The following RMDN2 variants were observed in gnomAD, a reference collection of about 807,000 sequenced individuals.
RMDN2 encodes the protein regulator of microtubule dynamics protein 2.
Under a neutral mutation model 52.8 loss-of-function variants are expected in RMDN2, and 61 were observed. That is an observed-to-expected ratio of 1.16 (90% CI 0.94 to 1.43). The LOEUF is 1.43. Among genes scored for constraint, RMDN2 ranks in the 40% most tolerant of loss-of-function variants. RMDN2 has a pLI of 0.00. For synonymous variants in RMDN2, 180 were observed against 153.1 expected (o/e 1.18, Z -1.30); for missense variants, 592 against 475.3 (o/e 1.25, Z -2.28).
intron 10 of RMDN2, among the ~76,000 whole-genome samples, chr2:38,006,632 C>T (rs370297124): frequency 2.6e-5 from 4 of 152,176 alleles, no homozygotes; most frequent in Non-Finnish European, 4.4e-5. Flanking sequence ...TCTAGATATA[C>T]AATCATGTCA....
At chr2:37,981,478 C>A (rs1037140754) in intron 5 of RMDN2, 135 bp downstream of exon 5, 2 of 614,186 alleles carry the variant, frequency 3.3e-6, no homozygotes, top group African/African-American at 3.7e-5. Context: ...TATAATAGCA[C>A]AGTAACTGTT....
chr2:37,951,934 A>G, intron 2 of RMDN2: 1 of 1,613,492 alleles, frequency 6.2e-7, no homozygotes, highest in Non-Finnish European at 8.5e-7. Context: ...CAAAGGGGCC[A>G]ATTATGTAAA....
chr2:38,009,443 G>A (rs567062774), intron 10 of RMDN2, among the ~76,000 whole-genome samples: 7 of 152,056 alleles, frequency 4.6e-5, no homozygotes, highest in South Asian at 4.2e-4. Flanking sequence ...TTCTCCTCTC[G>A]CTTCATTTCA....
chr2:37,963,782 C>T (rs1182672236), intron 2 of RMDN2, among the ~76,000 whole-genome samples: 2 of 152,208 alleles, frequency 1.3e-5, no homozygotes, highest in Non-Finnish European at 2.9e-5. Context: ...CCTTTCTATT[C>T]CACAAAACCG....
At chr2:37,979,164 A>G (rs888880092) in intron 4 of RMDN2, among the ~76,000 whole-genome samples, 2 of 152,222 alleles carry the variant, frequency 1.3e-5, no homozygotes, top group African/African-American at 4.8e-5. Context: ...CCTTTAATTT[A>G]TCCATTTAAG....
chr2:37,979,406 C>T (rs1403261139), intron 4 of RMDN2, among the ~76,000 whole-genome samples: 3 of 152,104 alleles, frequency 2.0e-5, no homozygotes, highest in Admixed American at 1.3e-4. Flanking sequence ...AAGGCAGGGG[C>T]TCAGACCAGC....
At chr2:38,062,180 C>T (rs1682080015) in intron 10 of RMDN2, among the ~76,000 whole-genome samples, 1 of 152,296 alleles carries the variant, frequency 6.6e-6, no homozygotes, top group Admixed American at 6.5e-5. Flanking sequence ...ACCACTGTCA[C>T]AATCAGAAAA....
chr2:37,955,627 G>C (rs1572785699), intron 2 of RMDN2, among the ~76,000 whole-genome samples: 1 of 152,242 alleles, frequency 6.6e-6, no homozygotes, highest in South Asian at 2.1e-4. Flanking sequence ...TTGTGATAAT[G>C]AGTAAGTCTC....
At chr2:37,924,187 A>C (rs564335342), upstream of RMDN2, among the ~76,000 whole-genome samples, 2 of 152,250 alleles carry the variant, frequency 1.3e-5, no homozygotes, top group Non-Finnish European at 2.9e-5. Context: ...TATGGATTGC[A>C]AAACAAGCCT....
rs1300103208 is a variant in RMDN2, at chr2:37,951,864, T to C, written c.452+22135T>C. On this transcript the variant is annotated intron_variant, in intron 2 of 10. Transcript: ENST00000354545. ...TCAACAAAGCACATCATCCTTCTTTTCTCTTGCAAGTGATATTTCCTCTCC... is the reference window on the plus strand; with the variant it reads ...TCAACAAAGCACATCATCCTTCTTTCCTCTTGCAAGTGATATTTCCTCTCC... 7 of 1,613,548 alleles carry C rather than the reference T, an allele frequency of 4.3e-6. No individual in the cohort carries two copies. The highest frequency in any genetic ancestry group is 5.1e-6 in the Non-Finnish European group (6 of 1,179,662).
intron 6 of RMDN2, among the ~76,000 whole-genome samples, chr2:37,990,331 C>T (rs1033648254): frequency 3.3e-5 from 5 of 149,306 alleles, no homozygotes; most frequent in African/African-American, 1.2e-4. Flanking sequence ...CCAGCCTGGC[C>T]AACATGGTGA....
Position 38,065,965 on chromosome 2 carries a change from C to T in RMDN2, c.1714-1017C>T, listed in dbSNP as rs143974298. ...TTAGACAAAGGAAGTAAATTGCTTG[C>T]GAAACTCCCAGGATCTTATGGCCTA... On this transcript the variant is annotated intron_variant, in intron 10 of 10. Transcript: ENST00000234195. 9.1e-4 allele frequency among the ~76,000 whole-genome samples: 138 copies of T among 152,212 alleles called. No individual in the cohort carries two copies. In the Middle Eastern group the frequency reaches 0.014, roughly 15 times the overall value.
chr2:37,985,897 G>A (rs932332404), intron 5 of RMDN2, among the ~76,000 whole-genome samples: 1 of 152,058 alleles, frequency 6.6e-6, no homozygotes, highest in Non-Finnish European at 1.5e-5. Flanking sequence ...TATTAATATT[G>A]GTTCATTGTG....
At chr2:38,041,216 G>C (rs1429839434) in intron 10 of RMDN2, among the ~76,000 whole-genome samples, 1 of 152,034 alleles carries the variant, frequency 6.6e-6, no homozygotes, top group African/African-American at 2.4e-5. Flanking sequence ...CAACACTAAG[G>C]CACCCAGCAG....
intron 2 of RMDN2, among the ~76,000 whole-genome samples, chr2:37,955,949 T>G (rs902830532): frequency 8.2e-6 from 1 of 122,488 alleles, no homozygotes; most frequent in Admixed American, 9.5e-5. Context: ...GAATTCTGTT[T>G]GCTGTTATTT....
intron 2 of RMDN2, chr2:37,952,477 T>C: frequency 2.1e-6 from 1 of 477,332 alleles, no homozygotes; most frequent in African/African-American, 1.9e-5. Context: ...CTCAGATTTC[T>C]GAGTGACTAT....
chr2:37,961,843 C>A (rs939317890), intron 2 of RMDN2, among the ~76,000 whole-genome samples: 4 of 152,168 alleles, frequency 2.6e-5, no homozygotes, highest in African/African-American at 9.7e-5. Context: ...TACCTTTGAT[C>A]TTTGATGGTG....
chr2:37,929,774 A>G (rs1666571419), intron 2 of RMDN2, 45 bp downstream of exon 2: 2 of 1,247,096 alleles, frequency 1.6e-6, no homozygotes, highest in Admixed American at 3.0e-5. Flanking sequence ...GGTTATTATC[A>G]TTATTACTAT....
intron 2 of RMDN2, among the ~76,000 whole-genome samples, chr2:37,932,995 T>C (rs1358161007): frequency 5.5e-5 from 7 of 128,204 alleles, no homozygotes; most frequent in Admixed American, 1.6e-4. Flanking sequence ...GGCTGCTGGG[T>C]GGAGGGGCTC....
Sources: gnomAD v4.1 joint callset for allele counts (sites outside exome capture counted in the v4.1 genomes callset) on GRCh38, gnomAD v4.1.1 for gene constraint, MANE v1.5 for transcripts, NCBI Gene and HGNC (gene_info 2026-07-23, HGNC 2026-07-21) for gene names.